SMOC2: variants seen among roughly 807,000 people sequenced by gnomAD.
The protein encoded by SMOC2 is SPARC related modular calcium binding 2.
SMOC2 carries 39 observed loss-of-function variants against 61.4 expected under a neutral mutation model. The ratio of observed to expected loss-of-function variants is 0.64; its 90% CI spans 0.49 to 0.83. The LOEUF is 0.83. Among genes scored for constraint, SMOC2 ranks in the 40% least tolerant of loss-of-function variants. The pLI, the probability that SMOC2 is intolerant of heterozygous loss-of-function variation, is 0.00. For synonymous variants in SMOC2, 247 were observed against 239.9 expected (o/e 1.03, Z -0.27); for missense variants, 556 against 592.9 (o/e 0.94, Z 0.65).
At chr6:168,644,405 C>T (rs116812550) in intron 9 of SMOC2, among the ~76,000 whole-genome samples, 1,663 of 152,244 alleles carry the variant, frequency 0.011, 39 homozygotes, top group African/African-American at 0.038. Context: ...AAAGACCCAG[C>T]CAAATGCAGG....
At chr6:168,570,365 G>C (rs6455533) in intron 7 of SMOC2, among the ~76,000 whole-genome samples, 15,615 of 152,106 alleles carry the variant, frequency 0.1, 1,327 homozygotes, top group African/African-American at 0.23. Flanking sequence ...GAATCGTCAG[G>C]CTGAGGCCCA....
chr6:168,581,162 G>T (rs1784908273), intron 7 of SMOC2, among the ~76,000 whole-genome samples: 1 of 152,048 alleles, frequency 6.6e-6, no homozygotes, highest in African/African-American at 2.4e-5. Context: ...GCCCTGTCTA[G>T]AAAATCAAAT....
At chr6:168,443,570 C>T (rs1475846479) in intron 1 of SMOC2, among the ~76,000 whole-genome samples, 1 of 152,214 alleles carries the variant, frequency 6.6e-6, no homozygotes, top group Non-Finnish European at 1.5e-5. Flanking sequence ...TCACCCCACC[C>T]CCAGTCTAGA....
intron 4 of SMOC2, among the ~76,000 whole-genome samples, chr6:168,539,015 G>A (rs1473375599): frequency 6.6e-6 from 1 of 152,076 alleles, no homozygotes; most frequent in African/African-American, 2.4e-5. Flanking sequence ...AAAACCACCA[G>A]GGGACTGAGT....
chr6:168,470,645 C>A (rs1429586976), intron 1 of SMOC2, among the ~76,000 whole-genome samples: 1 of 151,768 alleles, frequency 6.6e-6, no homozygotes, highest in African/African-American at 2.4e-5. Context: ...CCCCTGCACT[C>A]CAGTCTGGGT....
At chr6:168,506,641 C>T (rs1396431094) in intron 1 of SMOC2, among the ~76,000 whole-genome samples, 1 of 152,164 alleles carries the variant, frequency 6.6e-6, no homozygotes, top group Non-Finnish European at 1.5e-5. Context: ...AAAGACACTT[C>T]CTGTGCCCTC....
chr6:168,607,544 A>G (rs1785730745), intron 8 of SMOC2, among the ~76,000 whole-genome samples: 1 of 150,842 alleles, frequency 6.6e-6, no homozygotes, highest in African/African-American at 2.4e-5. Flanking sequence ...TCAGGACTTA[A>G]CCTGCAGTTT....
intron 9 of SMOC2, among the ~76,000 whole-genome samples, chr6:168,624,721 G>C (rs911390628): frequency 2.0e-5 from 3 of 150,796 alleles, no homozygotes; most frequent in African/African-American, 4.9e-5. Context: ...CACAGACACA[G>C]ACACACAGAC....
chr6:168,621,173 T>A (rs1488787851), intron 9 of SMOC2, among the ~76,000 whole-genome samples: 1 of 152,256 alleles, frequency 6.6e-6, no homozygotes, highest in African/African-American at 2.4e-5. Flanking sequence ...TAGTTGTTAA[T>A]TCGCTTTGAG....
intron 7 of SMOC2, among the ~76,000 whole-genome samples, chr6:168,564,231 C>G (rs147273966): frequency 6.6e-6 from 1 of 151,938 alleles, no homozygotes; most frequent in Non-Finnish European, 1.5e-5. Flanking sequence ...ATGATTCACA[C>G]GTATTTTCTT....
intron 1 of SMOC2, among the ~76,000 whole-genome samples, chr6:168,472,621 T>G (rs958073250): frequency 9.2e-5 from 14 of 152,150 alleles, no homozygotes; most frequent in African/African-American, 4.8e-5. Context: ...TGATAAGACT[T>G]TCCGTGTTGC....
At chr6:168,443,441 G>A (rs2114986622) in intron 1 of SMOC2, among the ~76,000 whole-genome samples, 1 of 152,318 alleles carries the variant, frequency 6.6e-6, no homozygotes, top group African/African-American at 2.4e-5. Context: ...TACCCCACGT[G>A]GGCTTTGCCC....
intron 7 of SMOC2, among the ~76,000 whole-genome samples, chr6:168,573,693 C>T (rs974664723): frequency 7.2e-5 from 11 of 152,150 alleles, no homozygotes; most frequent in African/African-American, 2.2e-4. Flanking sequence ...ATCCGCTTCA[C>T]ACCACAGCCT....
intron 8 of SMOC2, among the ~76,000 whole-genome samples, chr6:168,604,330 G>A (rs1344218851): frequency 1.3e-5 from 2 of 152,138 alleles, no homozygotes; most frequent in East Asian, 4.0e-4. Context: ...ACCCACTGCT[G>A]GCAAGAAAAA....
At chr6:168,489,015 A>G (rs1562552628) in intron 1 of SMOC2, among the ~76,000 whole-genome samples, 1 of 146,042 alleles carries the variant, frequency 6.8e-6, no homozygotes, top group East Asian at 2.1e-4. Flanking sequence ...AGTGAAATAT[A>G]TGAATCATCT....
intron 8 of SMOC2, among the ~76,000 whole-genome samples, chr6:168,603,883 G>A (rs1307688759): frequency 1.3e-5 from 2 of 152,204 alleles, no homozygotes; most frequent in Non-Finnish European, 2.9e-5. Flanking sequence ...TGAGGGCCCA[G>A]CCCCAGAACC....
chr6:168,595,064 C>G (rs71536620), intron 7 of SMOC2, among the ~76,000 whole-genome samples: 957 of 10,134 alleles, frequency 0.094, 33 homozygotes, highest in Middle Eastern at 0.5. Context: ...AGAGGATGGC[C>G]GAGCTCCTCC....
intron 11 of SMOC2, 86 bp from the exon 12 acceptor site, chr6:168,663,988 G>A: frequency 8.8e-7 from 1 of 1,130,208 alleles, no homozygotes; most frequent in Non-Finnish European, 1.3e-6. Flanking sequence ...CTAAAGTGAT[G>A]TGGACTCCTT....
chr6:168,656,104 C>T lies in SMOC2; in HGVS notation c.1285+2876C>T, dbSNP rs915949718. On this transcript the variant is annotated intron_variant, in intron 11 of 12. Coordinates refer to ENST00000356284, the MANE Select transcript of SMOC2 (RefSeq NM_001166412.2). The stretch of plus-strand genomic sequence containing the variant: ...CTTGCTGGGTAGGGCTAGTAGACAC[C>T]GCTCAAATCTCTGTCGTTTATGACT... Among the ~76,000 whole-genome samples the T allele has an allele frequency of 3.9e-5, 6 of 152,190 alleles. No individual in the cohort carries two copies. The South Asian group carries it at 6.2e-4, about 16-fold the overall frequency.
Sources: allele counts gnomAD v4.1 joint callset (sites outside exome capture counted in the v4.1 genomes callset), GRCh38; gene constraint gnomAD v4.1.1; transcripts MANE v1.5; gene names NCBI Gene and HGNC (gene_info 2026-07-23, HGNC 2026-07-21).